Variants in ADAMTS19 observed in about 807,000 individuals in gnomAD.
ADAMTS19 encodes the protein ADAM metallopeptidase with thrombospondin type 1 motif 19, also known as A disintegrin and metalloproteinase with thrombospondin motifs 19.
ADAMTS19 carries 93 observed loss-of-function variants against 153.3 expected under a neutral mutation model. That is an observed-to-expected ratio of 0.61 (90% CI 0.51 to 0.72). ADAMTS19 has a LOEUF of 0.72. Among genes scored for constraint, ADAMTS19 ranks in the 30% least tolerant of loss-of-function variants. ADAMTS19 has a pLI of 0.00. For missense variants in ADAMTS19, 1,482 were observed against 1,552.1 expected (o/e 0.95, Z 0.76); for synonymous variants, 600 against 556.6 (o/e 1.08, Z -1.10).
intron 8 of ADAMTS19, among the ~76,000 whole-genome samples, chr5:129,612,665 C>T (rs1751289928): frequency 6.6e-6 from 1 of 152,110 alleles, no homozygotes; most frequent in Non-Finnish European, 1.5e-5. Flanking sequence ...ATCATAATGA[C>T]AGGATCAAAT....
At chr5:129,665,956 A>G (rs1161998789) in intron 16 of ADAMTS19, among the ~76,000 whole-genome samples, 1 of 148,572 alleles carries the variant, frequency 6.7e-6, no homozygotes, top group Non-Finnish European at 1.5e-5. Context: ...ATACATATTA[A>G]TTGCATTTAT....
intron 4 of ADAMTS19, among the ~76,000 whole-genome samples, chr5:129,527,285 T>C (rs916807874): frequency 7.2e-5 from 11 of 151,734 alleles, no homozygotes; most frequent in African/African-American, 2.7e-4. Flanking sequence ...TATAAGTCAA[T>C]TACCATTTAA....
At chr5:129,581,651 AT>A (rs1286692282) in intron 7 of ADAMTS19, among the ~76,000 whole-genome samples, 1 of 151,258 alleles carries the variant, frequency 6.6e-6, no homozygotes, top group Non-Finnish European at 1.5e-5. Context: ...TAGCTTTTGA[AT>A]TTGTTTGCTT....
At chr5:129,480,218 C>G (rs949935527) in intron 2 of ADAMTS19, among the ~76,000 whole-genome samples, 2 of 152,030 alleles carry the variant, frequency 1.3e-5, no homozygotes, top group African/African-American at 4.8e-5. Context: ...ACATATGGTG[C>G]TGGAAGAATT....
chr5:129,553,818 T>C (rs1444334695), intron 7 of ADAMTS19, among the ~76,000 whole-genome samples: 1 of 152,144 alleles, frequency 6.6e-6, no homozygotes, highest in African/African-American at 2.4e-5. Context: ...CAAATTAATC[T>C]GTTTCACCCA....
chr5:129,524,583 C>A (rs1367417059), intron 3 of ADAMTS19, among the ~76,000 whole-genome samples: 1 of 149,072 alleles, frequency 6.7e-6, no homozygotes, highest in Non-Finnish European at 1.5e-5. Flanking sequence ...TATCCAGAAT[C>A]TATAAGGAAC....
intron 20 of ADAMTS19, among the ~76,000 whole-genome samples, chr5:129,703,253 A>C (rs1280852344): frequency 6.6e-6 from 1 of 151,564 alleles, no homozygotes; most frequent in African/African-American, 2.4e-5. Flanking sequence ...GTGGAGGATA[A>C]ATGTAAATGA....
intron 15 of ADAMTS19, among the ~76,000 whole-genome samples, chr5:129,661,249 A>T (rs1173320501): frequency 6.6e-6 from 1 of 152,186 alleles, no homozygotes; most frequent in African/African-American, 2.4e-5. Context: ...AAAAAAAATC[A>T]TGCTATTTTT....
At position 129,608,139 on chromosome 5, in the gene ADAMTS19, T is replaced by TATATAA. The variant is rs1561599440; in HGVS notation, c.1478+11476_1478+11477insTATAAA. Among the ~76,000 whole-genome samples the TATATAA allele has an allele frequency of 2.9e-5, 4 of 137,120 alleles. 1 individual carries two copies. Among genetic ancestry groups the TATATAA allele is most frequent in the African/African-American group, 1.1e-4 (4 of 38,068 alleles). 90.0% of individuals were successfully genotyped at this position (137,120 alleles called of 152,430 possible). On this transcript the variant is annotated intron_variant, in intron 8 of 22. Transcript: ENST00000274487. ...GTGTATATATATATATATATATATA[T>TATATAA]AATGGAACATTACTAAGTCTTTAAA...
At chr5:129,522,358 T>C (rs542837494) in intron 3 of ADAMTS19, among the ~76,000 whole-genome samples, 1,669 of 137,880 alleles carry the variant, frequency 0.012, 13 homozygotes, top group Middle Eastern at 0.027. Context: ...TATATATATA[T>C]ATATATATGA....
chr5:129,620,351 G>A (rs544184479), intron 8 of ADAMTS19, among the ~76,000 whole-genome samples: 11 of 151,974 alleles, frequency 7.2e-5, no homozygotes, highest in Middle Eastern at 3.4e-3. Flanking sequence ...GGTCATTTCC[G>A]TATAAAGGAC....
At chr5:129,596,181 T>G (rs1195257304) in intron 7 of ADAMTS19, among the ~76,000 whole-genome samples, 1 of 152,090 alleles carries the variant, frequency 6.6e-6, no homozygotes, top group East Asian at 1.9e-4. Flanking sequence ...GAAACTGTGT[T>G]CTTCACAATA....
intron 7 of ADAMTS19, among the ~76,000 whole-genome samples, chr5:129,589,939 T>C (rs1305760407): frequency 6.6e-6 from 1 of 152,170 alleles, no homozygotes; most frequent in African/African-American, 2.4e-5. Context: ...TGGCTTAGTA[T>C]TTCTTAAGCT....
chr5:129,483,428 A>C lies in ADAMTS19; in HGVS notation c.747+21671A>C, dbSNP rs557216371. Among the ~76,000 whole-genome samples, 6 of 152,298 alleles carry C rather than the reference A, an allele frequency of 3.9e-5. No homozygotes were observed. The South Asian group carries it at 1.2e-3, about 32-fold the overall frequency. ...TACTAATAATATTTTGGGGCAGGAT[A>C]ATTGTTGTAGGGGGCTGTCCCATGC... On this transcript the variant is annotated intron_variant, in intron 2 of 22. Transcript: ENST00000274487.
intron 2 of ADAMTS19, among the ~76,000 whole-genome samples, chr5:129,482,875 A>T (rs1353590859): frequency 1.3e-5 from 2 of 152,212 alleles, no homozygotes; most frequent in African/African-American, 4.8e-5. Flanking sequence ...ATGAATACTT[A>T]TACAAAATTA....
intron 8 of ADAMTS19, among the ~76,000 whole-genome samples, chr5:129,610,751 C>T (rs1016502909): frequency 1.3e-5 from 2 of 152,052 alleles, no homozygotes; most frequent in African/African-American, 4.8e-5. Context: ...AATAAACATA[C>T]GTGTGCATGT....
intron 19 of ADAMTS19, 101 bp downstream of exon 19, chr5:129,694,956 C>G (rs972615213): frequency 7.8e-7 from 1 of 1,277,120 alleles, no homozygotes; most frequent in African/African-American, 1.5e-5. Flanking sequence ...TTCTTAAAAA[C>G]ATTGCCAAAG....
intron 3 of ADAMTS19, among the ~76,000 whole-genome samples, chr5:129,524,222 T>C (rs1751924182): frequency 6.6e-6 from 1 of 152,116 alleles, no homozygotes; most frequent in Non-Finnish European, 1.5e-5. Context: ...GTATTCCCTA[T>C]TTAATAAATG....
At chr5:129,483,699 A>C (rs1288207883) in intron 2 of ADAMTS19, among the ~76,000 whole-genome samples, 1 of 152,230 alleles carries the variant, frequency 6.6e-6, no homozygotes, top group African/African-American at 2.4e-5. Flanking sequence ...CATATGGATT[A>C]CATTATGGGT....
Sources: allele counts gnomAD v4.1 joint callset (sites outside exome capture counted in the v4.1 genomes callset), GRCh38; gene constraint gnomAD v4.1.1; transcripts MANE v1.5; gene names NCBI Gene and HGNC (gene_info 2026-07-23, HGNC 2026-07-21).